The following DRAM1 variants were observed in gnomAD, a reference collection of about 807,000 sequenced individuals.
DRAM1 encodes DNA damage regulated autophagy modulator 1, also known as DNA damage-regulated autophagy modulator protein 1.
Under a neutral mutation model 28.5 loss-of-function variants are expected in DRAM1, and 25 were observed. The observed-to-expected ratio is 0.88, with a 90% CI of 0.64 to 1.23. The LOEUF (loss-of-function observed/expected upper bound fraction) is 1.23, where lower values mean the gene tolerates loss of function less well. DRAM1 is among the 50% of genes most tolerant of loss of function. DRAM1 has a pLI of 0.00. For synonymous variants in DRAM1, 113 were observed against 114.2 expected (o/e 0.99, Z 0.07); for missense variants, 249 against 299.2 (o/e 0.83, Z 1.24).
intron 1 of DRAM1, among the ~76,000 whole-genome samples, chr12:101,887,948 C>T (rs1034921345): frequency 8.6e-5 from 13 of 152,038 alleles, no homozygotes; most frequent in Non-Finnish European, 1.9e-4. Context: ...CAATGAGTAC[C>T]AGGATAAAAA....
At chr12:101,890,348 G>A (rs985465973) in intron 1 of DRAM1, 33 of 242,838 alleles carry the variant, frequency 1.4e-4, no homozygotes, top group African/African-American at 7.0e-4. Context: ...CCAAAGTGCT[G>A]GGATGACAGG....
At chr12:101,886,951 G>C (rs528706322) in intron 1 of DRAM1, among the ~76,000 whole-genome samples, 64 of 152,162 alleles carry the variant, frequency 4.2e-4, no homozygotes, top group African/African-American at 1.4e-3. Flanking sequence ...TTCAATACCA[G>C]CCTGGCCAAC....
intron 1 of DRAM1, among the ~76,000 whole-genome samples, chr12:101,878,426 G>A (rs1872574594): frequency 6.6e-6 from 1 of 152,156 alleles, no homozygotes; most frequent in Admixed American, 6.5e-5. Context: ...ACTAGTTAAT[G>A]GTAGGAGCAG....
In DRAM1 at chr12:101,908,204, G is replaced by A. The variant is rs1438827044; in HGVS notation, c.361G>A (p.Val121Ile). ...TCTCCAGGAGTTAGCTGTGCCAGTG[G>A]TTCATGACGGGGGCGCTCTTTTGGC... ...ANFQELAVPV[V>I]HDGGALLAFV... The change falls in exon 4 of 7, where the codon GTT (valine) becomes ATT (isoleucine). Residue 121 changes from valine to isoleucine, a missense_variant. Coordinates refer to ENST00000258534, the MANE Select transcript of DRAM1 (RefSeq NM_018370.3). The A allele has an allele frequency of 1.2e-6, 2 of 1,610,890 alleles. No individual in the cohort carries two copies. Among genetic ancestry groups the A allele is most frequent in the Non-Finnish European group, 1.7e-6 (2 of 1,179,014 alleles).
chr12:101,895,276 C>G (rs1475797652), intron 1 of DRAM1, among the ~76,000 whole-genome samples: 1 of 129,506 alleles, frequency 7.7e-6, no homozygotes, highest in Non-Finnish European at 1.6e-5. Flanking sequence ...CTCCTGGGTT[C>G]AAGTGATTCT....
At chr12:101,911,842 A>G (rs900805479) in intron 4 of DRAM1, among the ~76,000 whole-genome samples, 1 of 152,192 alleles carries the variant, frequency 6.6e-6, no homozygotes, top group Non-Finnish European at 1.5e-5. Flanking sequence ...TACATAAGAT[A>G]TGTTTTGCAT....
intron 1 of DRAM1, among the ~76,000 whole-genome samples, chr12:101,881,673 T>C (rs1324430320): frequency 6.6e-6 from 1 of 152,194 alleles, no homozygotes; most frequent in East Asian, 1.9e-4. Context: ...CTTACCTCTT[T>C]TGTTCAAACG....
chr12:101,890,962 G>T (rs1232338903), intron 1 of DRAM1, among the ~76,000 whole-genome samples: 3 of 151,848 alleles, frequency 2.0e-5, no homozygotes, highest in Non-Finnish European at 4.4e-5. Context: ...TGTTGGCCAG[G>T]ATGGTCTCGA....
At chr12:101,918,072 G>C (rs1566133149) in intron 5 of DRAM1, among the ~76,000 whole-genome samples, 1 of 152,134 alleles carries the variant, frequency 6.6e-6, no homozygotes, top group Admixed American at 6.5e-5. Context: ...CGCCACTCTT[G>C]CATTTCCTTC....
rs114176358 is a variant in DRAM1 at position 101,884,916 on chromosome 12, A to C, written c.131+6996A>C. 4.2e-3 allele frequency among the ~76,000 whole-genome samples: 642 copies of C among 151,692 alleles called. 3 individuals are homozygous for C. The highest frequency in any genetic ancestry group is 0.015 in the African/African-American group (603 of 41,326). ...GTGTGTGTTAAATCTTCAGATGCTG[A>C]TCTTTATAGAGAAAATGTTTTTTTT... On this transcript the variant is annotated intron_variant, in intron 1 of 6. Coordinates refer to ENST00000258534, the MANE Select transcript of DRAM1 (RefSeq NM_018370.3).
At chr12:101,900,513 A>G (rs1473779675) in intron 2 of DRAM1, among the ~76,000 whole-genome samples, 1 of 152,226 alleles carries the variant, frequency 6.6e-6, no homozygotes, top group Non-Finnish European at 1.5e-5. Flanking sequence ...CAAGAGAAGA[A>G]TAAAAAGAAA....
In DRAM1 at chr12:101,922,991, G is replaced by A. The variant is rs1420137159; in HGVS notation, c.*1731G>A. 1 of 152,154 alleles carries A rather than the reference G, an allele frequency of 6.6e-6. No homozygotes were observed. The highest frequency in any genetic ancestry group is 1.5e-5 in the Non-Finnish European group (1 of 68,050). 9.4% of individuals were successfully genotyped at this position (152,154 alleles called of 1,614,324 possible). A position where few individuals can be genotyped will look rare whatever the true frequency, so the allele number is the denominator to read the frequency against. On this transcript the variant is annotated 3_prime_UTR_variant, in exon 7 of 7. Transcript: ENST00000258534. ...GGTGTGCCTGTAGTCCTAGTTACTT[G>A]GGAGGCTGAGGTGGGAGAATCACCT...
intron 3 of DRAM1, among the ~76,000 whole-genome samples, chr12:101,902,178 A>G (rs1331557620): frequency 1.3e-5 from 2 of 152,218 alleles, no homozygotes; most frequent in African/African-American, 2.4e-5. Context: ...TTTCATAACA[A>G]CAAACATTTA....
intron 3 of DRAM1, among the ~76,000 whole-genome samples, chr12:101,904,884 C>A (rs143986752): frequency 2.0e-5 from 3 of 152,202 alleles, no homozygotes; most frequent in Non-Finnish European, 4.4e-5. Flanking sequence ...ATCTAAACAT[C>A]ATTTCCCTGC....
At chr12:101,901,198 G>C in intron 2 of DRAM1, 93 bp from the exon 3 acceptor site, 1 of 1,426,112 alleles carries the variant, frequency 7.0e-7, no homozygotes, top group Non-Finnish European at 9.5e-7. Flanking sequence ...CTTGCAATCA[G>C]TACATTTTTA....
chr12:101,882,149 C>A (rs1312988702), intron 1 of DRAM1, among the ~76,000 whole-genome samples: 1 of 133,348 alleles, frequency 7.5e-6, no homozygotes, highest in African/African-American at 2.7e-5. Flanking sequence ...GACGGAGTTT[C>A]CCAGGCTGGA....
At chr12:101,906,779 C>T (rs1016892946) in intron 3 of DRAM1, among the ~76,000 whole-genome samples, 5 of 147,258 alleles carry the variant, frequency 3.4e-5, no homozygotes, top group African/African-American at 1.0e-4. Flanking sequence ...CGCTTGAACC[C>T]GGCAGGTGGA....
At chr12:101,916,431 G>A (rs1025549267) in intron 5 of DRAM1, among the ~76,000 whole-genome samples, 4 of 152,234 alleles carry the variant, frequency 2.6e-5, no homozygotes, top group Non-Finnish European at 5.9e-5. Context: ...TTGCACTCCG[G>A]TGGGCCTAGA....
intron 1 of DRAM1, among the ~76,000 whole-genome samples, chr12:101,881,750 C>A (rs1269112629): frequency 1.3e-5 from 2 of 152,112 alleles, no homozygotes; most frequent in African/African-American, 4.8e-5. Context: ...TGAGACCTGC[C>A]CTGATCACCC....
Sources: allele counts gnomAD v4.1 joint callset (sites outside exome capture counted in the v4.1 genomes callset), GRCh38; gene constraint gnomAD v4.1.1; transcripts MANE v1.5; gene names NCBI Gene and HGNC (gene_info 2026-07-23, HGNC 2026-07-21).